The following ERC1 variants were observed in gnomAD, a reference collection of about 807,000 sequenced individuals.
ERC1 encodes RAB6 interacting protein 2.
ERC1 carries 56 observed loss-of-function variants against 132.0 expected under a neutral mutation model. The observed-to-expected ratio is 0.42, with a 90% CI of 0.34 to 0.53. The LOEUF is 0.53. Ranked by LOEUF, ERC1 falls within the 20% of genes least tolerant of loss-of-function variation. The pLI, the probability that ERC1 is intolerant of heterozygous loss-of-function variation, is 0.03. For synonymous variants in ERC1, 478 were observed against 476.1 expected (o/e 1.00, Z -0.05); for missense variants, 1,202 against 1,349.9 (o/e 0.89, Z 1.72).
At chr12:1,032,911 C>T (rs552370178) in intron 2 of ERC1, among the ~76,000 whole-genome samples, 14 of 152,026 alleles carry the variant, frequency 9.2e-5, no homozygotes, top group Admixed American at 7.9e-4. Flanking sequence ...CTCTCTATGT[C>T]ACCCAGGCTG....
At chr12:1,045,462 A>G (rs1216836254) in intron 2 of ERC1, among the ~76,000 whole-genome samples, 2 of 152,134 alleles carry the variant, frequency 1.3e-5, no homozygotes, top group Admixed American at 1.3e-4. Context: ...AGATGCTAAT[A>G]TATCTAGACT....
rs768567950 is a variant in ERC1, at chr12:1,490,916, G to A, written c.*686G>A. On this transcript the variant is annotated 3_prime_UTR_variant, in exon 19 of 19. Coordinates refer to ENST00000360905, the MANE Select transcript of ERC1 (RefSeq NM_178040.4). ...CGCAGCCTTCCTCACTCTGTTCCTC[G>A]GCCAGTTAACAAGAAGATGGTGTGA... 5.6e-5 allele frequency: 13 copies of A among 232,436 alleles called. No individual in the cohort carries two copies. The highest frequency in any genetic ancestry group is 9.3e-5 in the Non-Finnish European group (11 of 117,710). 14.4% of individuals were successfully genotyped at this position (232,436 alleles called of 1,614,324 possible).
intron 1 of ERC1, among the ~76,000 whole-genome samples, chr12:1,006,401 T>G (rs1052168028): frequency 7.3e-5 from 11 of 151,600 alleles, no homozygotes; most frequent in Non-Finnish European, 1.3e-4. Context: ...GCCTGGCAAA[T>G]TTTTTTTTGT....
At chr12:1,295,602 A>C (rs1343153398) in intron 15 of ERC1, among the ~76,000 whole-genome samples, 1 of 152,148 alleles carries the variant, frequency 6.6e-6, no homozygotes, top group Non-Finnish European at 1.5e-5. Flanking sequence ...AACACAAAAG[A>C]TAGGTTTGAG....
chr12:1,214,658 GTA>G (rs1958205459), intron 12 of ERC1, among the ~76,000 whole-genome samples: 1 of 112,752 alleles, frequency 8.9e-6, no homozygotes, highest in Non-Finnish European at 1.7e-5. Context: ...ATGCGTGTGT[GTA>G]TACATACACA....
At chr12:1,023,668 T>C (rs940901769) in intron 1 of ERC1, among the ~76,000 whole-genome samples, 5 of 152,112 alleles carry the variant, frequency 3.3e-5, no homozygotes, top group Non-Finnish European at 7.3e-5. Flanking sequence ...AAGGATGATA[T>C]TGTAGTGTGA....
At chr12:1,065,048 T>G (rs186204783) in intron 2 of ERC1, among the ~76,000 whole-genome samples, 1 of 152,306 alleles carries the variant, frequency 6.6e-6, no homozygotes, top group African/African-American at 2.4e-5. Context: ...TTGCCCAGGC[T>G]GGAGTGCAGT....
intron 12 of ERC1, among the ~76,000 whole-genome samples, chr12:1,230,867 T>C (rs939930770): frequency 5.9e-5 from 9 of 152,220 alleles, no homozygotes; most frequent in East Asian, 1.9e-4. Flanking sequence ...GTGTCTGATA[T>C]AAGTAAGCCC....
chr12:1,106,189 G>T (rs1378078052), intron 4 of ERC1, among the ~76,000 whole-genome samples: 1 of 152,144 alleles, frequency 6.6e-6, no homozygotes, highest in Non-Finnish European at 1.5e-5. Context: ...CCAGTGGGTC[G>T]TTTTGAGGTT....
intron 16 of ERC1, among the ~76,000 whole-genome samples, chr12:1,377,469 T>C (rs1347024525): frequency 6.6e-6 from 1 of 152,206 alleles, no homozygotes; most frequent in Non-Finnish European, 1.5e-5. Context: ...CCAGTTACCA[T>C]GATAACACGA....
chr12:1,139,964 A>G (rs1038016049), intron 7 of ERC1, among the ~76,000 whole-genome samples: 1 of 152,190 alleles, frequency 6.6e-6, no homozygotes, highest in Non-Finnish European at 1.5e-5. Flanking sequence ...TTAACTATGT[A>G]TATTAAAGTA....
At chr12:1,208,508 G>A (rs994685969) in intron 12 of ERC1, among the ~76,000 whole-genome samples, 2 of 152,194 alleles carry the variant, frequency 1.3e-5, no homozygotes, top group South Asian at 2.1e-4. Flanking sequence ...ATCTAGAGAT[G>A]ACATGCAGGT....
intron 8 of ERC1, among the ~76,000 whole-genome samples, chr12:1,175,927 T>C (rs994810633): frequency 6.6e-6 from 1 of 152,208 alleles, no homozygotes; most frequent in Non-Finnish European, 1.5e-5. Flanking sequence ...TTCCACATCT[T>C]TAGTGACTAC....
Position 1,290,126 on chromosome 12 carries a change from C to T in ERC1, c.2780+114C>T, listed in dbSNP as rs538904860. 1.6e-3 allele frequency: 1,337 copies of T among 851,742 alleles called. 25 individuals are homozygous for T. The South Asian group carries it at 0.023, about 14-fold the overall frequency. 52.8% of individuals were successfully genotyped at this position (851,742 alleles called of 1,614,324 possible). A position where few individuals can be genotyped will look rare whatever the true frequency, so the allele number is the denominator to read the frequency against. Reference sequence around the variant, plus strand: ...CCAATACACTTACTTAATTTTAGTGCTAACTTGTATTTCTCACTCTCTAGA... The same window carrying T: ...CCAATACACTTACTTAATTTTAGTGTTAACTTGTATTTCTCACTCTCTAGA... On this transcript the variant is annotated intron_variant, in intron 15 of 18. Coordinates refer to ENST00000360905, the MANE Select transcript of ERC1 (RefSeq NM_178040.4).
At chr12:1,480,067 T>A (rs1031560474) in intron 18 of ERC1, among the ~76,000 whole-genome samples, 25 of 151,206 alleles carry the variant, frequency 1.7e-4, no homozygotes, top group African/African-American at 5.6e-4. Context: ...GTATCTTGGT[T>A]AAAGTAAGGT....
chr12:1,210,594 T>G (rs1957770828), intron 12 of ERC1, among the ~76,000 whole-genome samples: 1 of 152,174 alleles, frequency 6.6e-6, no homozygotes, highest in Non-Finnish European at 1.5e-5. Context: ...AAATGTGTGT[T>G]TAATTTTTCT....
chr12:1,177,676 G>GT (rs1349139157), intron 8 of ERC1, among the ~76,000 whole-genome samples: 34 of 152,280 alleles, frequency 2.2e-4, no homozygotes, highest in African/African-American at 8.2e-4. Flanking sequence ...ACGGATCACT[G>GT]TAACTGATAC....
At chr12:1,165,564 C>G (rs978727883) in intron 8 of ERC1, among the ~76,000 whole-genome samples, 3 of 151,982 alleles carry the variant, frequency 2.0e-5, no homozygotes, top group Non-Finnish European at 4.4e-5. Flanking sequence ...CCTCGGCCTC[C>G]CAAAGTGCTG....
intron 12 of ERC1, among the ~76,000 whole-genome samples, chr12:1,223,463 G>A (rs1172220598): frequency 2.0e-5 from 3 of 152,176 alleles, no homozygotes; most frequent in African/African-American, 7.2e-5. Flanking sequence ...GATTTAATAG[G>A]TCTGGCGTCA....
Sources: allele counts gnomAD v4.1 joint callset (sites outside exome capture counted in the v4.1 genomes callset), GRCh38; gene constraint gnomAD v4.1.1; transcripts MANE v1.5; gene names NCBI Gene and HGNC (gene_info 2026-07-23, HGNC 2026-07-21).